Variants in RAD51B observed in about 807,000 individuals in gnomAD.
The protein encoded by RAD51B is RAD51 paralog B, also known as DNA repair protein RAD51 homolog 2.
A neutral mutation model predicts 42.2 loss-of-function variants in RAD51B; 38 were observed. The ratio of observed to expected loss-of-function variants is 0.90; its 90% confidence interval spans 0.70 to 1.18. The LOEUF is 1.18. RAD51B is among the 50% of genes most tolerant of loss of function. The pLI is 0.00. For synonymous variants in RAD51B, 154 were observed against 145.2 expected, an observed-to-expected ratio of 1.06 and a Z score of -0.43; for missense variants, 373 against 400.7, an observed-to-expected ratio of 0.93 and a Z score of 0.59.
Position 68,341,973 on chromosome 14 carries a change from G to C in RAD51B, c.853+49993G>C, listed in dbSNP as rs546294799. On this transcript the variant is annotated intron_variant, in intron 8 of 10. Transcript: ENST00000471583. The stretch of plus-strand genomic sequence containing the variant: ...ACTAATGGAAAGGAAATGATGGCTT[G>C]ACATATTGTGTATAGTGTAAGAAAA... Among the ~76,000 whole-genome samples the C allele has an allele frequency of 4.8e-4, 73 of 152,188 alleles. 1 individual carries two copies. The highest frequency in any genetic ancestry group is 7.5e-4 in the Non-Finnish European group (51 of 68,006).
At chr14:68,256,334 T>C (rs2080753184) in intron 7 of RAD51B, among the ~76,000 whole-genome samples, 1 of 152,220 alleles carries the variant, frequency 6.6e-6, no homozygotes, top group Non-Finnish European at 1.5e-5. Context: ...AAAGGATCTC[T>C]CTTCATCCTT....
At chr14:68,357,389 C>T (rs1163345223) in intron 8 of RAD51B, among the ~76,000 whole-genome samples, 1 of 152,084 alleles carries the variant, frequency 6.6e-6, no homozygotes, top group Non-Finnish European at 1.5e-5. Flanking sequence ...AAGTCTTGAA[C>T]CCCTCAAAGT....
intron 7 of RAD51B, chr14:68,069,544 A>G (rs945569871): frequency 7.9e-5 from 12 of 152,078 alleles, no homozygotes; most frequent in Admixed American, 2.0e-4. Flanking sequence ...AGAACCAAAT[A>G]CTGTTTTTCT....
At chr14:68,429,838 A>T (rs2084953977) in intron 9 of RAD51B, among the ~76,000 whole-genome samples, 1 of 147,722 alleles carries the variant, frequency 6.8e-6, no homozygotes, top group Non-Finnish European at 1.5e-5. Context: ...TATGTCCTGA[A>T]TGGTATTGCC....
chr14:68,645,226 CT>C (rs755225266), intron 10 of RAD51B, among the ~76,000 whole-genome samples: 73 of 152,186 alleles, frequency 4.8e-4, no homozygotes, highest in Non-Finnish European at 9.4e-4. Flanking sequence ...CTGTAAGTAT[CT>C]CGTGAGTGGA....
At chr14:68,321,540 T>C (rs1018919730) in intron 8 of RAD51B, among the ~76,000 whole-genome samples, 1 of 152,184 alleles carries the variant, frequency 6.6e-6, no homozygotes, top group African/African-American at 2.4e-5. Context: ...TAGCATTTTG[T>C]TGCCTCTTAG....
intron 7 of RAD51B, among the ~76,000 whole-genome samples, chr14:68,035,871 G>C (rs1433054186): frequency 6.6e-6 from 1 of 152,174 alleles, no homozygotes; most frequent in Admixed American, 6.5e-5. Flanking sequence ...GGTTATTCTA[G>C]TTGTCTCTTA....
intron 7 of RAD51B, among the ~76,000 whole-genome samples, chr14:67,980,187 G>T (rs2075065472): frequency 6.6e-6 from 1 of 152,130 alleles, no homozygotes; most frequent in South Asian, 2.1e-4. Context: ...GCTCATGCCT[G>T]TGATAACAGC....
intron 10 of RAD51B, among the ~76,000 whole-genome samples, chr14:68,637,421 G>C (rs998928206): frequency 2.0e-5 from 3 of 152,188 alleles, no homozygotes; most frequent in Admixed American, 2.0e-4. Context: ...TGAGGAGTTT[G>C]TTCCAGCCAT....
intron 10 of RAD51B, among the ~76,000 whole-genome samples, chr14:68,624,241 G>A (rs1236976757): frequency 6.6e-6 from 1 of 152,046 alleles, no homozygotes; most frequent in Non-Finnish European, 1.5e-5. Flanking sequence ...GGTCCCCTTT[G>A]CCGATCACTT....
intron 7 of RAD51B, among the ~76,000 whole-genome samples, chr14:67,895,337 T>C (rs1229752751): frequency 1.3e-5 from 2 of 152,198 alleles, no homozygotes; most frequent in African/African-American, 4.8e-5. Context: ...ATGCAGAGAA[T>C]GAGGTGATTT....
intron 7 of RAD51B, among the ~76,000 whole-genome samples, chr14:68,133,408 T>TA: frequency 6.6e-6 from 1 of 152,340 alleles, no homozygotes; most frequent in Admixed American, 6.5e-5. Context: ...GTATGCTTTT[T>TA]AAAAAATGGA....
chr14:67,980,317 C>T (rs1265999345), intron 7 of RAD51B, among the ~76,000 whole-genome samples: 5 of 152,066 alleles, frequency 3.3e-5, no homozygotes, highest in African/African-American at 1.2e-4. Flanking sequence ...TGCTGGCGGG[C>T]GCCTGTAATC....
chr14:68,177,834 T>C (rs568686989), intron 7 of RAD51B, among the ~76,000 whole-genome samples: 5 of 152,160 alleles, frequency 3.3e-5, no homozygotes, highest in African/African-American at 9.7e-5. Context: ...ACTGTTGAGA[T>C]GACCAGATGA....
chr14:68,503,672 T>C (rs1885081806), intron 10 of RAD51B, among the ~76,000 whole-genome samples: 1 of 152,200 alleles, frequency 6.6e-6, no homozygotes, highest in Admixed American at 6.5e-5. Flanking sequence ...CCTTTCCTAC[T>C]TGTTTCAGCC....
chr14:68,532,776 A>T (rs1184985815), intron 10 of RAD51B, among the ~76,000 whole-genome samples: 1 of 152,232 alleles, frequency 6.6e-6, no homozygotes. Context: ...AGACTAATCC[A>T]TTATAAACAT....
At chr14:67,902,771 A>G (rs776150498) in intron 7 of RAD51B, among the ~76,000 whole-genome samples, 5 of 152,184 alleles carry the variant, frequency 3.3e-5, no homozygotes, top group Non-Finnish European at 7.4e-5. Context: ...AGCTTATACC[A>G]ATATTTATTG....
intron 7 of RAD51B, among the ~76,000 whole-genome samples, chr14:67,981,347 T>C (rs1408341699): frequency 6.6e-6 from 1 of 152,222 alleles, no homozygotes; most frequent in Non-Finnish European, 1.5e-5. Flanking sequence ...AGCTAAGTCT[T>C]ATACCCTGCG....
chr14:68,379,953 A>G (rs568691752), intron 8 of RAD51B, among the ~76,000 whole-genome samples: 1 of 152,384 alleles, frequency 6.6e-6, no homozygotes, highest in East Asian at 1.9e-4. Context: ...GTGTGTACTC[A>G]CATACTCATA....
Sources: gnomAD v4.1 joint callset for allele counts (sites outside exome capture counted in the v4.1 genomes callset) on GRCh38, gnomAD v4.1.1 for gene constraint, MANE v1.5 for transcripts, NCBI Gene and HGNC (gene_info 2026-07-23, HGNC 2026-07-21) for gene names.